Variants in SEMA3A observed in about 807,000 individuals in gnomAD.
The protein encoded by SEMA3A is semaphorin-3A.
In SEMA3A, 29 loss-of-function variants were observed where a neutral mutation model predicts 97.9. The ratio of observed to expected loss-of-function variants is 0.30; its 90% CI spans 0.22 to 0.40. The LOEUF (loss-of-function observed/expected upper bound fraction) is 0.40. Ranked by LOEUF, SEMA3A falls within the 10% of genes least tolerant of loss-of-function variation. The pLI, the probability that SEMA3A is intolerant of heterozygous loss-of-function variation, is 1.00. For missense variants in SEMA3A, 763 were observed against 951.3 expected, an observed-to-expected ratio of 0.80 and a Z score of 2.60; for synonymous variants, 321 against 323.7, an observed-to-expected ratio of 0.99 and a Z score of 0.09.
chr7:84,095,694 T>C (rs1794753651), intron 4 of SEMA3A, among the ~76,000 whole-genome samples: 1 of 151,662 alleles, frequency 6.6e-6, no homozygotes, highest in South Asian at 2.1e-4. Context: ...TCTTGTCCAC[T>C]GAATGCAGAG....
At chr7:84,037,858 G>A (rs1346739273) in intron 6 of SEMA3A, among the ~76,000 whole-genome samples, 1 of 151,778 alleles carries the variant, frequency 6.6e-6, no homozygotes, top group African/African-American at 2.4e-5. Context: ...ACTGATATAC[G>A]GCTGAGAACA....
At chr7:84,455,835 A>G (rs1805672422) in intron 1 of SEMA3A, among the ~76,000 whole-genome samples, 1 of 152,000 alleles carries the variant, frequency 6.6e-6, no homozygotes, top group Non-Finnish European at 1.5e-5. Context: ...AAAAAATTAG[A>G]AAAAGATTTA....
chr7:84,209,723 T>C (rs1002725227), intron 3 of SEMA3A, among the ~76,000 whole-genome samples: 1 of 152,206 alleles, frequency 6.6e-6, no homozygotes, highest in African/African-American at 2.4e-5. Flanking sequence ...TAATGGCTGT[T>C]ATATAATACT....
chr7:84,263,332 G>A (rs953185889), intron 3 of SEMA3A, among the ~76,000 whole-genome samples: 2 of 152,202 alleles, frequency 1.3e-5, no homozygotes, highest in African/African-American at 4.8e-5. Flanking sequence ...TGTGTAGGTA[G>A]TGCAGAACAC....
chr7:84,062,305 T>C (rs1470118483), intron 4 of SEMA3A, among the ~76,000 whole-genome samples: 1 of 152,142 alleles, frequency 6.6e-6, no homozygotes, highest in Non-Finnish European at 1.5e-5. Context: ...CATAGGCATT[T>C]AAATATTAAA....
At position 84,054,492 on chromosome 7, in the gene SEMA3A, G is replaced by A. The variant is rs527493124; in HGVS notation, c.547+5973C>T. 1.2e-3 allele frequency among the ~76,000 whole-genome samples: 188 copies of A among 152,022 alleles called. 1 individual carries two copies. The East Asian group carries it at 0.016, about 13-fold the overall frequency. On this transcript the variant is annotated intron_variant, in intron 5 of 16. Transcript: ENST00000265362. ...CTGATACCCTTTCTTCCAGTTGATC[G>A]CATCGGCTCCTGAGACTTCTGCATT...
At chr7:83,984,687 A>G (rs1789558844) in intron 13 of SEMA3A, among the ~76,000 whole-genome samples, 1 of 149,972 alleles carries the variant, frequency 6.7e-6, no homozygotes, top group South Asian at 2.1e-4. Flanking sequence ...TTATGGAGAA[A>G]ATATTAGACA....
intron 4 of SEMA3A, among the ~76,000 whole-genome samples, chr7:84,097,123 A>C (rs759261050): frequency 2.0e-5 from 3 of 152,112 alleles, no homozygotes; most frequent in Non-Finnish European, 4.4e-5. Flanking sequence ...AGGTGAAGCA[A>C]TTTAAATATG....
chr7:84,484,086 C>T (rs901255457), intron 1 of SEMA3A, among the ~76,000 whole-genome samples: 2 of 150,998 alleles, frequency 1.3e-5, no homozygotes, highest in Non-Finnish European at 1.5e-5. Context: ...TGGGTTTTGT[C>T]ACAGTCAAAA....
intron 1 of SEMA3A, among the ~76,000 whole-genome samples, chr7:84,412,829 C>T (rs1804307111): frequency 6.6e-6 from 1 of 152,090 alleles, no homozygotes; most frequent in African/African-American, 2.4e-5. Flanking sequence ...CTTCTCCCAG[C>T]TATAGTTTTT....
intron 1 of SEMA3A, among the ~76,000 whole-genome samples, chr7:84,373,962 A>T (rs940975690): frequency 1.3e-5 from 2 of 152,330 alleles, no homozygotes; most frequent in East Asian, 3.9e-4. Flanking sequence ...AGGTGACAAG[A>T]AGATTAGCAA....
chr7:84,183,856 T>G (rs1413878987), intron 1 of SEMA3A, among the ~76,000 whole-genome samples: 2 of 152,122 alleles, frequency 1.3e-5, no homozygotes, highest in African/African-American at 4.8e-5. Flanking sequence ...TTCATTTCTG[T>G]GAAAGTGTCC....
intron 1 of SEMA3A, among the ~76,000 whole-genome samples, chr7:84,156,870 G>A (rs1796860939): frequency 6.6e-6 from 1 of 152,068 alleles, no homozygotes; most frequent in Non-Finnish European, 1.5e-5. Flanking sequence ...CCCAGAGCTG[G>A]TTTTACAATG....
intron 1 of SEMA3A, among the ~76,000 whole-genome samples, chr7:84,383,663 G>A (rs1803325224): frequency 6.6e-6 from 1 of 152,076 alleles, no homozygotes; most frequent in South Asian, 2.1e-4. Flanking sequence ...TTTCTGTGGT[G>A]TAAAAGGTAT....
At chr7:84,488,319 C>T (rs71558792) in intron 1 of SEMA3A, among the ~76,000 whole-genome samples, 38 of 99,144 alleles carry the variant, frequency 3.8e-4, no homozygotes, top group South Asian at 1.7e-3. Context: ...TTCGTATATA[C>T]ACACACACAC....
intron 1 of SEMA3A, among the ~76,000 whole-genome samples, chr7:84,405,438 C>T (rs1013996876): frequency 1.3e-5 from 2 of 151,668 alleles, no homozygotes; most frequent in African/African-American, 4.9e-5. Context: ...TCCCACACAA[C>T]AATAATGGGA....
At chr7:84,198,871 C>G (rs752714636), upstream of SEMA3A, among the ~76,000 whole-genome samples, 1 of 152,162 alleles carries the variant, frequency 6.6e-6, no homozygotes, top group Non-Finnish European at 1.5e-5. Flanking sequence ...AGGATCAACA[C>G]TTCCCATTTC....
Position 84,310,624 on chromosome 7 carries a change from C to T in SEMA3A, c.-168-3332G>A, listed in dbSNP as rs113852638. Among the ~76,000 whole-genome samples the T allele has an allele frequency of 3.3e-5, 5 of 152,154 alleles. 1 individual carries two copies. Among genetic ancestry groups the T allele is most frequent in the African/African-American group, 1.2e-4 (5 of 41,558 alleles). The stretch of plus-strand genomic sequence containing the variant: ...GTGACTTTGACAAATCTGATGTCTG[C>T]TAGTTCTTACGGGGCCGTACTAAGA... On this transcript the variant is annotated intron_variant, in intron 2 of 3. Transcript: ENST00000424555.
At chr7:84,130,984 A>G (rs1795946352) in intron 2 of SEMA3A, among the ~76,000 whole-genome samples, 2 of 152,044 alleles carry the variant, frequency 1.3e-5, no homozygotes, top group Admixed American at 1.3e-4. Context: ...ACCTCATTTT[A>G]TGATTCTCTG....
Sources: allele counts gnomAD v4.1 joint callset (sites outside exome capture counted in the v4.1 genomes callset), GRCh38; gene constraint gnomAD v4.1.1; transcripts MANE v1.5; gene names NCBI Gene and HGNC (gene_info 2026-07-23, HGNC 2026-07-21).